The following NIPBL variants were observed in gnomAD, a reference collection of about 807,000 sequenced individuals.
NIPBL encodes the protein NIPBL cohesin loading factor.
Under a neutral mutation model 321.8 loss-of-function variants are expected in NIPBL, and 19 were observed. That is an observed-to-expected ratio of 0.06 (90% CI 0.04 to 0.09). The LOEUF (loss-of-function observed/expected upper bound fraction) is 0.09, where lower values mean the gene tolerates loss of function less well. NIPBL is among the 10% of genes least tolerant of loss of function. NIPBL has a pLI of 1.00. For missense variants in NIPBL, 2,210 were observed against 3,327.0 expected (o/e 0.66, Z 8.26); for synonymous variants, 1,106 against 1,114.1 (o/e 0.99, Z 0.14).
rs538278345 is a variant in NIPBL at position 36,968,548 on chromosome 5, G to A, written c.611-2328G>A. On this transcript the variant is annotated intron_variant, in intron 6 of 46. Coordinates refer to ENST00000282516, the MANE Select transcript of NIPBL (RefSeq NM_133433.4). The stretch of plus-strand genomic sequence containing the variant: ...CGCCTGGGCAACTGAGCAAGACTCC[G>A]TCTCAAAAAAAAAAGAAGAAAAATA... 4.6e-4 allele frequency among the ~76,000 whole-genome samples: 70 copies of A among 151,682 alleles called. 1 individual carries two copies. In the South Asian group the frequency reaches 0.014, roughly 30 times the overall value.
intron 38 of NIPBL, among the ~76,000 whole-genome samples, chr5:37,047,220 A>T (rs1230658247): frequency 1.3e-5 from 2 of 152,180 alleles, no homozygotes; most frequent in Non-Finnish European, 2.9e-5. Flanking sequence ...TCCCCCATGG[A>T]TACCGAGCAA....
At chr5:37,001,640 G>A (rs1746817429) in intron 14 of NIPBL, among the ~76,000 whole-genome samples, 1 of 152,072 alleles carries the variant, frequency 6.6e-6, no homozygotes, top group African/African-American at 2.4e-5. Context: ...TATGTTAAGT[G>A]CTGGAGATGT....
chr5:36,972,377 A>C (rs1258550855), intron 8 of NIPBL, among the ~76,000 whole-genome samples: 2 of 152,060 alleles, frequency 1.3e-5, no homozygotes, highest in African/African-American at 2.4e-5. Context: ...TTCCTCCAAA[A>C]AGACTTATTT....
At chr5:37,009,266 T>C (rs911591851) in intron 20 of NIPBL, among the ~76,000 whole-genome samples, 1 of 152,134 alleles carries the variant, frequency 6.6e-6, no homozygotes, top group Non-Finnish European at 1.5e-5. Context: ...GAAAGATTAA[T>C]GGCAGTATGG....
intron 1 of NIPBL, among the ~76,000 whole-genome samples, chr5:36,897,949 A>G (rs944673073): frequency 6.6e-6 from 1 of 151,946 alleles, no homozygotes. Context: ...AATAATTTGA[A>G]TTTTGTTAAT....
intron 1 of NIPBL, among the ~76,000 whole-genome samples, chr5:36,933,726 C>T (rs1018748442): frequency 6.6e-6 from 1 of 151,892 alleles, no homozygotes; most frequent in Non-Finnish European, 1.5e-5. Context: ...AGTAAGATAC[C>T]AGTTGGCTTT....
At chr5:36,888,586 T>C (rs901445625) in intron 1 of NIPBL, among the ~76,000 whole-genome samples, 1 of 152,116 alleles carries the variant, frequency 6.6e-6, no homozygotes, top group Non-Finnish European at 1.5e-5. Flanking sequence ...ACTAAAGAAA[T>C]GCTGTGGGAT....
rs149451089 is a variant in NIPBL at position 37,017,148 on chromosome 5, C to T, written c.4906C>T (p.Arg1636Cys). 36 of 1,610,400 alleles carry T rather than the reference C, an allele frequency of 2.2e-5. No individual in the cohort carries two copies. Among genetic ancestry groups the T allele is most frequent in the Non-Finnish European group, 2.6e-5 (31 of 1,177,374 alleles). The change falls in exon 24 of 47, where the codon CGC becomes TGC. Residue 1636 changes from arginine to cysteine, a missense_variant. By Grantham distance (180) the Arg-to-Cys change is radical (BLOSUM62 -3). Transcript: ENST00000282516. The stretch of plus-strand genomic sequence containing the variant: ...CAAAATGGATCAAGGATCTATAGAA[C>T]GCATTTTAAAACAGGTACTAAGATA... ...TSKMDQGSIE[R>C]ILKQVSGGED...
chr5:36,942,217 C>T (rs1580288386), intron 1 of NIPBL, among the ~76,000 whole-genome samples: 1 of 150,684 alleles, frequency 6.6e-6, no homozygotes, highest in Non-Finnish European at 1.5e-5. Flanking sequence ...CGGATCACCT[C>T]AGGTCAGGAG....
At position 37,049,226 on chromosome 5, in the gene NIPBL, C is replaced by T. The variant is rs772966461; in HGVS notation, c.6879C>T (p.Thr2293=). 3.1e-6 allele frequency: 5 copies of T among 1,613,922 alleles called. No homozygotes were observed. In the African/African-American group the frequency reaches 6.7e-5, roughly 22 times the overall value. ...LKQVLEAFFH[T]QSSVRHFALN... is the part of the protein sequence containing the mutation. ...AGGTGCTTGAGGCATTTTTTCACAC[C>T]CAGTCAAGTGTACGCCACTTTGCCC... Residue 2293 remains threonine (T), a synonymous_variant, in exon 40 of 47, where the codon ACC becomes ACT. Transcript: ENST00000282516.
intron 9 of NIPBL, among the ~76,000 whole-genome samples, chr5:36,977,995 C>A (rs958293061): frequency 6.6e-6 from 1 of 151,930 alleles, no homozygotes; most frequent in African/African-American, 2.4e-5. Flanking sequence ...TTTTGTTTAT[C>A]CAGTCCACTC....
Position 37,059,189 on chromosome 5 carries a change from G to C in NIPBL, c.7685+24G>C. On this transcript the variant is annotated intron_variant, in intron 44 of 46. Coordinates refer to ENST00000282516, the MANE Select transcript of NIPBL (RefSeq NM_133433.4). The stretch of plus-strand genomic sequence containing the variant: ...AGGTAAGGTTACATAAGCAGTGAGA[G>C]AAAAAACTTCACTCTGTTCAAATAA... 1.9e-6 allele frequency: 3 copies of C among 1,612,124 alleles called. No individual in the cohort carries two copies. In the South Asian group the frequency reaches 3.3e-5, roughly 18 times the overall value.
chr5:37,056,499 A>G (rs77103938), intron 42 of NIPBL, among the ~76,000 whole-genome samples: 2,185 of 152,272 alleles, frequency 0.014, 58 homozygotes, highest in African/African-American at 0.051. Flanking sequence ...AAATAATCAT[A>G]ATTTTTCTCT....
Position 36,953,641 on chromosome 5 carries a change from A to G in NIPBL, c.-56A>G. Reference sequence around the variant, plus strand: ...AGTGTTTGGGAAATGGGAAGTAATGACAGCTGGCACCTGAACTAAGTACTT... The same window carrying G: ...AGTGTTTGGGAAATGGGAAGTAATGGCAGCTGGCACCTGAACTAAGTACTT... On this transcript the variant is annotated 5_prime_UTR_variant, in exon 2 of 47. Transcript: ENST00000282516. The G allele has an allele frequency of 7.1e-7, 1 of 1,400,668 alleles. No homozygotes were observed. Among genetic ancestry groups the G allele is most frequent in the Non-Finnish European group, 1.0e-6 (1 of 985,180 alleles). 86.8% of individuals were successfully genotyped at this position (1,400,668 alleles called of 1,614,324 possible).
rs1232832963 is a variant in NIPBL, at chr5:36,876,903, G to A, written c.-355G>A. On this transcript the variant is annotated 5_prime_UTR_variant, in exon 1 of 47. Coordinates refer to ENST00000282516, the MANE Select transcript of NIPBL (RefSeq NM_133433.4). ...AGCCGCAGGGAGGGACGCCCCCGCCGACAGGAGAATTGGTTCCCGGGCCCG... is the reference window on the plus strand; with the variant it reads ...AGCCGCAGGGAGGGACGCCCCCGCCAACAGGAGAATTGGTTCCCGGGCCCG... 4 of 171,752 alleles carry A rather than the reference G, an allele frequency of 2.3e-5. No individual in the cohort carries two copies. The highest frequency in any genetic ancestry group is 2.1e-4 in the South Asian group (1 of 4,836). 10.6% of individuals were successfully genotyped at this position (171,752 alleles called of 1,614,324 possible).
chr5:37,039,930 A>C (rs1001917199), intron 34 of NIPBL, among the ~76,000 whole-genome samples: 1 of 152,190 alleles, frequency 6.6e-6, no homozygotes, highest in African/African-American at 2.4e-5. Context: ...ATAATAGCTA[A>C]TAATTTTTTA....
At chr5:36,914,964 AAGG>A (rs1221291278) in intron 1 of NIPBL, among the ~76,000 whole-genome samples, 3 of 152,096 alleles carry the variant, frequency 2.0e-5, no homozygotes, top group Admixed American at 1.3e-4. Flanking sequence ...TATTTTTAAA[AAGG>A]AGTTTTTTCC....
At chr5:36,952,076 G>C (rs571291998) in intron 1 of NIPBL, among the ~76,000 whole-genome samples, 3 of 148,764 alleles carry the variant, frequency 2.0e-5, no homozygotes, top group Admixed American at 6.7e-5. Context: ...GCGCGCGCAT[G>C]TGTGTGTGTA....
intron 43 of NIPBL, 39 bp from the exon 44 acceptor site, chr5:37,058,852 T>C: frequency 6.3e-7 from 1 of 1,597,180 alleles, no homozygotes; most frequent in Non-Finnish European, 8.6e-7. Context: ...ACTAGTGGCA[T>C]TTTGTTTTTA....
Sources: gnomAD v4.1 joint callset for allele counts (sites outside exome capture counted in the v4.1 genomes callset) on GRCh38, gnomAD v4.1.1 for gene constraint, MANE v1.5 for transcripts, NCBI Gene and HGNC (gene_info 2026-07-23, HGNC 2026-07-21) for gene names.